DDO: variants seen among roughly 807,000 people sequenced by gnomAD.
The protein encoded by DDO is D-aspartate oxidase.
DDO carries 16 observed loss-of-function variants against 16.8 expected under a neutral mutation model. The observed-to-expected ratio is 0.95, with a 90% CI of 0.65 to 1.45. DDO has a LOEUF of 1.45. Among genes scored for constraint, DDO ranks in the 40% most tolerant of loss-of-function variants. The pLI, the probability that DDO is intolerant of heterozygous loss-of-function variation, is 0.00. For synonymous variants in DDO, 180 were observed against 167.2 expected (o/e 1.08, Z -0.59); for missense variants, 429 against 420.3 (o/e 1.02, Z -0.18).
intron 4 of DDO, among the ~76,000 whole-genome samples, chr6:110,402,532 G>T (rs1424715155): frequency 6.6e-6 from 1 of 152,062 alleles, no homozygotes; most frequent in Non-Finnish European, 1.5e-5. Context: ...GGGCGTGGTG[G>T]CAGGCACCTG....
chr6:110,406,953 C>A (rs1050051342), intron 3 of DDO, among the ~76,000 whole-genome samples: 1 of 152,196 alleles, frequency 6.6e-6, no homozygotes, highest in Admixed American at 6.5e-5. Flanking sequence ...TCCCTAGAGA[C>A]CATAAGCTAC....
chr6:110,393,381 A>T (rs2235989), intron 4 of DDO, 39 bp from the exon 5 acceptor site: 679,092 of 1,518,964 alleles, frequency 0.45, 153,065 homozygotes, highest in African/African-American at 0.53. Flanking sequence ...TTTGTTAGCG[A>T]CCTGATCAAC....
chr6:110,401,105 G>A (rs1285686578), intron 4 of DDO, among the ~76,000 whole-genome samples: 3 of 152,258 alleles, frequency 2.0e-5, no homozygotes, highest in African/African-American at 2.4e-5. Context: ...TGGATAGAGC[G>A]AGGGTGCTTC....
chr6:110,399,829 C>T (rs1301837151), intron 4 of DDO, among the ~76,000 whole-genome samples: 1 of 152,214 alleles, frequency 6.6e-6, no homozygotes, highest in Admixed American at 6.5e-5. Context: ...CACCCTGTGC[C>T]TTCTGTCTGA....
chr6:110,408,660 C>T (rs941373470), intron 2 of DDO, among the ~76,000 whole-genome samples: 4 of 152,198 alleles, frequency 2.6e-5, no homozygotes, highest in Non-Finnish European at 5.9e-5. Context: ...CAAATCTGCT[C>T]ATATGATTAA....
At chr6:110,402,116 T>C (rs1198495636) in intron 4 of DDO, among the ~76,000 whole-genome samples, 1 of 152,134 alleles carries the variant, frequency 6.6e-6, no homozygotes, top group Non-Finnish European at 1.5e-5. Flanking sequence ...GTAAATGTAA[T>C]AAAAGACAAA....
chr6:110,394,943 T>C (rs1773243712), intron 4 of DDO, among the ~76,000 whole-genome samples: 1 of 152,214 alleles, frequency 6.6e-6, no homozygotes. Context: ...CTGTATCTTA[T>C]GTTTCTTACC....
At chr6:110,394,460 C>T (rs1773225011) in intron 4 of DDO, among the ~76,000 whole-genome samples, 1 of 152,082 alleles carries the variant, frequency 6.6e-6, no homozygotes, top group African/African-American at 2.4e-5. Flanking sequence ...AAACAATAAC[C>T]CCCAGGACAT....
chr6:110,402,214 T>G (rs1773506584), intron 4 of DDO, among the ~76,000 whole-genome samples: 1 of 152,256 alleles, frequency 6.6e-6, no homozygotes, highest in Non-Finnish European at 1.5e-5. Context: ...ATGTGTTGTG[T>G]GTATTTATAT....
rs189009865 is a variant in DDO, at chr6:110,392,620, G to C, written c.*155C>G. 9.6e-5 allele frequency: 126 copies of C among 1,309,212 alleles called. 2 individuals are homozygous for C. The East Asian group carries it at 2.9e-3, about 31-fold the overall frequency. The allele number at this position is 1,309,212 out of a possible 1,614,324, so 81.1% of individuals were successfully genotyped here. A position where few individuals can be genotyped will look rare whatever the true frequency, so the allele number is the denominator to read the frequency against. Reference sequence around the variant, plus strand: ...GCCTCTCAAGTAGCTGGGACTATAGGCATGCCACCGTGCTCAGCTTACATG... The same window carrying C: ...GCCTCTCAAGTAGCTGGGACTATAGCCATGCCACCGTGCTCAGCTTACATG... On this transcript the variant is annotated 3_prime_UTR_variant, in exon 5 of 5. Transcript: ENST00000368924.
chr6:110,410,137 T>A (rs1773802187), intron 2 of DDO, among the ~76,000 whole-genome samples: 1 of 152,226 alleles, frequency 6.6e-6, no homozygotes, highest in Non-Finnish European at 1.5e-5. Context: ...TGACTGGGGC[T>A]CATCTGAATA....
chr6:110,393,267 G>T lies in DDO; in HGVS notation c.534C>A (p.Ile178=). The T allele has an allele frequency of 6.2e-7, 1 of 1,613,930 alleles. No individual in the cohort carries two copies. The highest frequency in any genetic ancestry group is 8.5e-7 in the Non-Finnish European group (1 of 1,179,866). The change falls in exon 5 of 5, where the codon ATC becomes ATA. Residue 178 remains isoleucine, a synonymous_variant. Coordinates refer to ENST00000368924, the MANE Select transcript of DDO (RefSeq NM_001372108.2). The stretch of plus-strand genomic sequence containing the variant: ...TTCCAAGGCCTGAACAGTTGACCAC[G>T]ATGTCAAAGGACGGATGAAGTTCCC... ...DLWELHPSFD[I]VVNCSGLGSR... is the part of the protein sequence containing the mutation.
rs140929618 is a variant in DDO at position 110,392,926 on chromosome 6, G to T, written c.875C>A (p.Ala292Glu). 3 of 1,614,096 alleles carry T rather than the reference G, an allele frequency of 1.9e-6. No individual in the cohort carries two copies. Among genetic ancestry groups the T allele is most frequent in the Non-Finnish European group, 2.5e-6 (3 of 1,180,048 alleles). The change falls in exon 5 of 5, where the codon GCG becomes GAG. Residue 292 changes from alanine (A) to glutamate (E), a missense_variant. Physicochemically the swap from Ala to Glu is moderately radical, Grantham distance 107 (BLOSUM62 -1). Transcript: ENST00000368924. Reference protein sequence around the residue: ...PGVRLQTELLARDGQRLPVVH... With the variant: ...PGVRLQTELLERDGQRLPVVH... The stretch of plus-strand genomic sequence containing the variant: ...TACAGGCAGCCTCTGTCCATCTCGC[G>T]CAAGGAGCTCTGTCTGCAGTCGCAC...
intron 4 of DDO, among the ~76,000 whole-genome samples, chr6:110,398,383 TACACACACACACACACACAC>T (rs372325600): frequency 6.4e-5 from 7 of 110,214 alleles, no homozygotes; most frequent in Non-Finnish European, 1.2e-4. Context: ...CTTAAATGCG[TACACACACACACACACACAC>T]ACACACACAC....
rs1773155469 is a variant in DDO, at chr6:110,392,970, C to G, written c.831G>C (p.Leu277Phe). The change falls in exon 5 of 5, where the codon TTG becomes TTC. Residue 277 changes from leucine to phenylalanine, a missense_variant. By Grantham distance (22) the Leu-to-Phe change is conservative. Coordinates refer to ENST00000368924, the MANE Select transcript of DDO (RefSeq NM_001372108.2). ...GACNIREKVG[L>F]RPYRPGVRLQ... ...GTCGCACGCCTGGCCTGTAGGGCCT[C>G]AAGCCCACCTTCTCCCTGATGTTGC... is the stretch of plus-strand genomic sequence containing the variant. 1.9e-6 allele frequency: 3 copies of G among 1,613,526 alleles called. No individual in the cohort carries two copies. In the Admixed American group the frequency reaches 5.0e-5, roughly 27 times the overall value.
intron 4 of DDO, among the ~76,000 whole-genome samples, chr6:110,400,182 T>C (rs1165675490): frequency 6.6e-6 from 1 of 152,226 alleles, no homozygotes; most frequent in Non-Finnish European, 1.5e-5. Flanking sequence ...ACAGAGATGA[T>C]GGAACTACGG....
chr6:110,394,683 G>A (rs1382263587), intron 4 of DDO, among the ~76,000 whole-genome samples: 5 of 152,182 alleles, frequency 3.3e-5, no homozygotes, highest in Non-Finnish European at 7.3e-5. Flanking sequence ...AGGAGAAGTG[G>A]TGTGAAATCA....
At chr6:110,404,503 C>T (rs1582483146) in intron 4 of DDO, among the ~76,000 whole-genome samples, 1 of 152,172 alleles carries the variant, frequency 6.6e-6, no homozygotes, top group East Asian at 1.9e-4. Context: ...AGGGTTTTAC[C>T]TGGGGCAAGA....
chr6:110,414,278 G>A (rs1371450603), intron 1 of DDO, among the ~76,000 whole-genome samples: 1 of 152,216 alleles, frequency 6.6e-6, no homozygotes, highest in East Asian at 1.9e-4. Flanking sequence ...GCTGAACTCA[G>A]TCTCCTCTGC....
Sources: allele counts gnomAD v4.1 joint callset (sites outside exome capture counted in the v4.1 genomes callset), GRCh38; gene constraint gnomAD v4.1.1; transcripts MANE v1.5; gene names NCBI Gene and HGNC (gene_info 2026-07-23, HGNC 2026-07-21).